Variants in MICAL3 observed in about 807,000 individuals in gnomAD.
MICAL3 encodes the protein microtubule associated monooxygenase, calponin and LIM domain containing 3.
A neutral mutation model predicts 207.4 loss-of-function variants in MICAL3; 62 were observed. The ratio of observed to expected loss-of-function variants is 0.30; its 90% CI spans 0.24 to 0.37. The LOEUF (loss-of-function observed/expected upper bound fraction) is 0.37. Ranked by LOEUF, MICAL3 falls within the 10% of genes least tolerant of loss-of-function variation. The pLI is 1.00. For missense variants in MICAL3, 2,368 were observed against 2,635.6 expected (o/e 0.90, Z 2.22); for synonymous variants, 1,077 against 1,069.3 (o/e 1.01, Z -0.14).
chr22:18,014,216 G>T (rs573170884), intron 1 of MICAL3, among the ~76,000 whole-genome samples: 1 of 152,094 alleles, frequency 6.6e-6, no homozygotes, highest in Non-Finnish European at 1.5e-5. Context: ...CACAGGGTGC[G>T]CATAATACAA....
At chr22:17,960,266 G>A (rs578120095) in intron 1 of MICAL3, among the ~76,000 whole-genome samples, 3 of 152,206 alleles carry the variant, frequency 2.0e-5, no homozygotes, top group Non-Finnish European at 4.4e-5. Context: ...CTCACTGGGG[G>A]TCAGCGATTC....
chr22:17,976,555 GTGTGTGTATA>G (rs1297303898), intron 1 of MICAL3, among the ~76,000 whole-genome samples: 2 of 71,122 alleles, frequency 2.8e-5, no homozygotes, highest in Admixed American at 1.5e-4. Flanking sequence ...GTGTGTGTGT[GTGTGTGTATA>G]TATATATATA....
chr22:17,819,700 G>A (rs920043269), intron 25 of MICAL3, among the ~76,000 whole-genome samples: 4 of 152,074 alleles, frequency 2.6e-5, no homozygotes, highest in African/African-American at 9.7e-5. Flanking sequence ...AGCACTTTGG[G>A]AGGACGAAGT....
intron 16 of MICAL3, among the ~76,000 whole-genome samples, chr22:17,872,416 G>C (rs1244369796): frequency 6.6e-6 from 1 of 152,110 alleles, no homozygotes; most frequent in Non-Finnish European, 1.5e-5. Flanking sequence ...GGATGGGAGG[G>C]GCATGATGGA....
chr22:18,000,135 TACA>T (rs1319107604), intron 1 of MICAL3, among the ~76,000 whole-genome samples: 3 of 151,770 alleles, frequency 2.0e-5, no homozygotes, highest in Non-Finnish European at 2.9e-5. Context: ...ATCCCTGGAG[TACA>T]ACGACTGTCT....
chr22:17,921,434 G>C (rs1174782279), intron 1 of MICAL3, among the ~76,000 whole-genome samples: 1 of 152,144 alleles, frequency 6.6e-6, no homozygotes, highest in Non-Finnish European at 1.5e-5. Flanking sequence ...CTTGAGACTG[G>C]CCTTGGTCAT....
chr22:18,000,868 G>A (rs970679079), intron 1 of MICAL3, among the ~76,000 whole-genome samples: 2 of 152,200 alleles, frequency 1.3e-5, no homozygotes, highest in African/African-American at 4.8e-5. Flanking sequence ...GGGACGGGGA[G>A]GCCCCGAGGG....
At position 17,849,644 on chromosome 22, in the gene MICAL3, ATGTGTGTGTGTG is replaced by A. The variant is rs149239378; in HGVS notation, c.2606-7639_2606-7628del. ...GCCACTGTGCCTGGCCCAGAATGGA[ATGTGTGTGTGTG>A]TGTGTGTGTGTGTGTGTGTGTGTGT... On this transcript the variant is annotated intron_variant, in intron 19 of 31. Transcript: ENST00000441493. Among the ~76,000 whole-genome samples the A allele has an allele frequency of 6.2e-3, 489 of 79,448 alleles. 4 individuals carry two copies. The highest frequency in any genetic ancestry group is 0.019 in the African/African-American group (380 of 19,606). The allele number at this position is 79,448 out of a possible 152,430, so 52.1% of individuals were successfully genotyped here. A position where few individuals can be genotyped will look rare whatever the true frequency, so the allele number is the denominator to read the frequency against.
At chr22:18,003,033 G>T (rs955551376) in intron 1 of MICAL3, among the ~76,000 whole-genome samples, 1 of 151,862 alleles carries the variant, frequency 6.6e-6, no homozygotes, top group African/African-American at 2.4e-5. Context: ...GGTGGTGGGC[G>T]CCTGTAGTCC....
At chr22:17,896,192 C>A in intron 9 of MICAL3, 54 bp downstream of exon 9, 2 of 979,518 alleles carry the variant, frequency 2.0e-6, no homozygotes, top group Non-Finnish European at 3.2e-6. Context: ...AAGAGTAAAC[C>A]ACTCCTTCTT....
Position 17,904,768 on chromosome 22 carries a change from C to T in MICAL3, c.336G>A (p.Val112=). 6.2e-7 allele frequency: 1 copy of T among 1,613,962 alleles called. No individual in the cohort carries two copies. The highest frequency in any genetic ancestry group is 8.5e-7 in the Non-Finnish European group (1 of 1,179,842). Residue 112 remains valine (V), a synonymous_variant, in exon 3 of 32, where the codon GTG becomes GTA. Coordinates refer to ENST00000441493, the MANE Select transcript of MICAL3 (RefSeq NM_015241.3). ...AIDLSLLGAK[V]VVIEKRDAFS... ...AGGCATCTCGTTTCTCAATAACAACCACCTTGGCCCCCAGTAAGGATAAGT... is the reference window on the plus strand; with the variant it reads ...AGGCATCTCGTTTCTCAATAACAACTACCTTGGCCCCCAGTAAGGATAAGT...
chr22:17,830,644 A>C (rs752993126), intron 21 of MICAL3, among the ~76,000 whole-genome samples: 6 of 152,222 alleles, frequency 3.9e-5, no homozygotes, highest in African/African-American at 7.2e-5. Flanking sequence ...GGCAGCATGG[A>C]GGGAGAGCCC....
intron 1 of MICAL3, among the ~76,000 whole-genome samples, chr22:17,932,543 T>C (rs1196006242): frequency 6.6e-6 from 1 of 152,152 alleles, no homozygotes; most frequent in Non-Finnish European, 1.5e-5. Context: ...GTAAAGACTA[T>C]CAATGCTATG....
chr22:17,956,407 C>T (rs1934614813), intron 1 of MICAL3, among the ~76,000 whole-genome samples: 1 of 152,170 alleles, frequency 6.6e-6, no homozygotes, highest in Admixed American at 6.5e-5. Context: ...GGCATGGTGG[C>T]TCACGGCTAT....
At chr22:17,940,783 C>T (rs1210528829) in intron 1 of MICAL3, among the ~76,000 whole-genome samples, 1 of 152,104 alleles carries the variant, frequency 6.6e-6, no homozygotes, top group Non-Finnish European at 1.5e-5. Context: ...GATCTGTGGA[C>T]TAATTTCTCA....
intron 27 of MICAL3, chr22:17,814,132 G>A (rs2145998001): frequency 6.6e-6 from 1 of 152,296 alleles, no homozygotes; most frequent in South Asian, 2.1e-4. Flanking sequence ...CCTGGCAGAA[G>A]GGGCTTCCTT....
At chr22:17,912,676 GTA>G (rs1932218969) in intron 1 of MICAL3, among the ~76,000 whole-genome samples, 1 of 152,024 alleles carries the variant, frequency 6.6e-6, no homozygotes, top group Non-Finnish European at 1.5e-5. Context: ...TATTAACTTT[GTA>G]TCCTGCTACT....
intron 1 of MICAL3, among the ~76,000 whole-genome samples, chr22:17,911,756 CAGG>C (rs1169825591): frequency 2.0e-5 from 3 of 151,228 alleles, no homozygotes; most frequent in African/African-American, 7.4e-5. Context: ...TGCTTGAGCC[CAGG>C]AGGTCGAAGC....
intron 1 of MICAL3, among the ~76,000 whole-genome samples, chr22:17,978,304 T>C (rs763724444): frequency 2.0e-5 from 3 of 152,168 alleles, no homozygotes; most frequent in African/African-American, 7.2e-5. Context: ...GGGCAAATAT[T>C]GTATGACTAC....
Sources: gnomAD v4.1 joint callset for allele counts (sites outside exome capture counted in the v4.1 genomes callset) on GRCh38, gnomAD v4.1.1 for gene constraint, MANE v1.5 for transcripts, NCBI Gene and HGNC (gene_info 2026-07-23, HGNC 2026-07-21) for gene names.